CEP192: variants seen among roughly 807,000 people sequenced by gnomAD.
CEP192 encodes the protein centrosomal protein 192, also known as centrosomal protein of 192 kDa.
A neutral mutation model predicts 271.8 loss-of-function variants in CEP192; 151 were observed. The ratio of observed to expected loss-of-function variants is 0.56; its 90% CI spans 0.49 to 0.64. CEP192 has a LOEUF of 0.64. Ranked by LOEUF, CEP192 falls within the 30% of genes least tolerant of loss-of-function variation. The pLI, the probability that CEP192 is intolerant of heterozygous loss-of-function variation, is 0.00. For missense variants in CEP192, 2,910 were observed against 3,020.5 expected, an observed-to-expected ratio of 0.96 and a Z score of 0.86; for synonymous variants, 995 against 1,076.5, an observed-to-expected ratio of 0.92 and a Z score of 1.48.
Position 13,008,500 on chromosome 18 carries a change from C to G in CEP192, c.335C>G (p.Ser112Ter). Residue 112 changes from serine to a stop codon, truncating the protein, a stop_gained, in exon 4 of 45, where the codon TCA (serine) becomes TGA (stop). Coordinates refer to ENST00000506447, the MANE Select transcript of CEP192 (RefSeq NM_032142.4). LOFTEE classifies it high-confidence loss of function. ...AGCTATGTGGAAAGTCAACGTTTGTCAAATGCTCTCAGCAAACAGTCAGCT... is the reference window on the plus strand; with the variant it reads ...AGCTATGTGGAAAGTCAACGTTTGTGAAATGCTCTCAGCAAACAGTCAGCT... ...KKSYVESQRLSNALSKQSALQ... is the reference protein window; with the variant it reads ...KKSYVESQRL The G allele has an allele frequency of 6.4e-7, 1 of 1,551,134 alleles. No individual in the cohort carries two copies. The highest frequency in any genetic ancestry group is 1.2e-5 in the South Asian group (1 of 83,952).
intron 30 of CEP192, among the ~76,000 whole-genome samples, chr18:13,080,228 A>C (rs2038519954): frequency 6.6e-6 from 1 of 152,188 alleles, no homozygotes; most frequent in Admixed American, 6.5e-5. Flanking sequence ...TACCTTGGGC[A>C]GTGTGGCCAT....
chr18:13,086,472 C>T lies in CEP192; in HGVS notation c.5617-545C>T, dbSNP rs567704550. ...AACCCCTTGCACTTCCCAGGTAAGG[C>T]GACGCCCCACCCTGCTTCGGCTCAC... On this transcript the variant is annotated intron_variant, in intron 30 of 44. Coordinates refer to ENST00000506447, the MANE Select transcript of CEP192 (RefSeq NM_032142.4). Among the ~76,000 whole-genome samples, 11 of 152,212 alleles carry T rather than the reference C, an allele frequency of 7.2e-5. No homozygotes were observed. In the South Asian group the frequency reaches 1.2e-3, roughly 17 times the overall value.
At chr18:13,028,311 T>C (rs1302906357) in intron 9 of CEP192, among the ~76,000 whole-genome samples, 1 of 152,252 alleles carries the variant, frequency 6.6e-6, no homozygotes, top group African/African-American at 2.4e-5. Flanking sequence ...GTAAAGACCT[T>C]GTTTCAGAAT....
At chr18:13,095,260 C>G (rs889913865) in intron 34 of CEP192, among the ~76,000 whole-genome samples, 1 of 152,178 alleles carries the variant, frequency 6.6e-6, no homozygotes, top group African/African-American at 2.4e-5. Flanking sequence ...CCTCGGCCTC[C>G]CAAAGTGCTG....
At chr18:13,039,253 G>C (rs1480610728) in intron 13 of CEP192, among the ~76,000 whole-genome samples, 2 of 151,992 alleles carry the variant, frequency 1.3e-5, no homozygotes, top group African/African-American at 4.8e-5. Context: ...TCAGGAGTTC[G>C]AGACCAACCG....
intron 9 of CEP192, among the ~76,000 whole-genome samples, chr18:13,023,360 T>G (rs574645769): frequency 6.6e-6 from 1 of 152,296 alleles, no homozygotes; most frequent in East Asian, 1.9e-4. Context: ...TTCTTACTAT[T>G]AAGTATGATG....
chr18:13,114,612 C>T (rs1454816796), intron 42 of CEP192, among the ~76,000 whole-genome samples: 2 of 152,130 alleles, frequency 1.3e-5, no homozygotes, highest in East Asian at 1.9e-4. Context: ...ATTAAATGAA[C>T]GTATCACAGT....
intron 21 of CEP192, among the ~76,000 whole-genome samples, chr18:13,063,480 C>T (rs1200417244): frequency 6.6e-6 from 1 of 152,152 alleles, no homozygotes; most frequent in Non-Finnish European, 1.5e-5. Context: ...ATGTCGAGCA[C>T]CTTTTCATAT....
At chr18:13,107,883 C>CAAAA (rs58195253) in intron 40 of CEP192, among the ~76,000 whole-genome samples, 1 of 130,922 alleles carries the variant, frequency 7.6e-6, no homozygotes, top group Non-Finnish European at 1.7e-5. Context: ...ATAGTATCTC[C>CAAAA]AAAAAAAAAA....
intron 30 of CEP192, among the ~76,000 whole-genome samples, chr18:13,076,903 C>T (rs557073155): frequency 1.3e-5 from 2 of 152,248 alleles, no homozygotes; most frequent in South Asian, 4.1e-4. Context: ...CCTGCCTCAG[C>T]GTCTCGAGTA....
chr18:13,011,743 C>G (rs2034373085), intron 4 of CEP192, among the ~76,000 whole-genome samples: 1 of 152,126 alleles, frequency 6.6e-6, no homozygotes, highest in Non-Finnish European at 1.5e-5. Flanking sequence ...AGGCTGGTCT[C>G]GAACTCCTGA....
intron 17 of CEP192, among the ~76,000 whole-genome samples, chr18:13,050,832 G>C (rs559410904): frequency 6.6e-6 from 1 of 152,080 alleles, no homozygotes; most frequent in African/African-American, 2.4e-5. Context: ...CACCTGCCTC[G>C]GCCTCCCAAC....
chr18:13,067,376 G>A (rs2037766998), intron 21 of CEP192, among the ~76,000 whole-genome samples: 1 of 152,100 alleles, frequency 6.6e-6, no homozygotes, highest in Admixed American at 6.6e-5. Context: ...CCCGCATTTA[G>A]GGAAGTGAGT....
intron 1 of CEP192, among the ~76,000 whole-genome samples, chr18:12,993,937 G>A (rs572622842): frequency 1.3e-5 from 2 of 152,270 alleles, no homozygotes; most frequent in South Asian, 2.1e-4. Flanking sequence ...TCTCTGTCAG[G>A]TATTGGGAAT....
intron 30 of CEP192, among the ~76,000 whole-genome samples, chr18:13,080,650 C>T (rs543522474): frequency 5.3e-5 from 8 of 151,980 alleles, no homozygotes; most frequent in Non-Finnish European, 1.0e-4. Flanking sequence ...GCCTGATTGC[C>T]CTGGCCAGAA....
At chr18:13,081,772 T>C (rs2038623911) in intron 30 of CEP192, among the ~76,000 whole-genome samples, 1 of 152,216 alleles carries the variant, frequency 6.6e-6, no homozygotes, top group African/African-American at 2.4e-5. Flanking sequence ...ACACACTGAT[T>C]TAAATGTGTC....
chr18:13,086,392 C>T (rs1192665412), intron 30 of CEP192, among the ~76,000 whole-genome samples: 1 of 152,200 alleles, frequency 6.6e-6, no homozygotes, highest in African/African-American at 2.4e-5. Context: ...TGCCTGATTG[C>T]CTTGGCCAAA....
At position 13,086,635 on chromosome 18, in the gene CEP192, C is replaced by T. The variant is rs576135585; in HGVS notation, c.5617-382C>T. Among the ~76,000 whole-genome samples the T allele has an allele frequency of 1.2e-4, 18 of 152,310 alleles. No individual in the cohort carries two copies. The South Asian group carries it at 3.5e-3, about 30-fold the overall frequency. ...ACAGGATCTGTTCCTATTTGGCCAC[C>T]TTGCCAGCCACCAGTTCATCTTTTT... On this transcript the variant is annotated intron_variant, in intron 30 of 44. Transcript: ENST00000506447.
At chr18:13,069,693 T>G (rs754464464) in intron 26 of CEP192, 45 bp from the exon 27 acceptor site, 10 of 1,191,266 alleles carry the variant, frequency 8.4e-6, no homozygotes, top group African/African-American at 7.8e-5. Flanking sequence ...GAAAACTGCG[T>G]TTTTGTAAGT....
Sources: allele counts gnomAD v4.1 joint callset (sites outside exome capture counted in the v4.1 genomes callset), GRCh38; gene constraint gnomAD v4.1.1; transcripts MANE v1.5; gene names NCBI Gene and HGNC (gene_info 2026-07-23, HGNC 2026-07-21).